CYP7B1: variants seen among roughly 807,000 people sequenced by gnomAD.
CYP7B1 encodes cytochrome P450 family 7 subfamily B member 1.
Under a neutral mutation model 42.7 loss-of-function variants are expected in CYP7B1, and 29 were observed. The observed-to-expected ratio is 0.68, with a 90% confidence interval of 0.51 to 0.93. CYP7B1 has a LOEUF of 0.93. Among genes scored for constraint, CYP7B1 ranks in the 40% least tolerant of loss-of-function variants. The pLI is 0.00. For synonymous variants in CYP7B1, 235 were observed against 218.2 expected, an observed-to-expected ratio of 1.08 and a Z score of -0.68; for missense variants, 655 against 600.5, an observed-to-expected ratio of 1.09 and a Z score of -0.95.
At chr8:64,749,523 A>C (rs1268230989) in intron 1 of CYP7B1, among the ~76,000 whole-genome samples, 1 of 152,212 alleles carries the variant, frequency 6.6e-6, no homozygotes, top group African/African-American at 2.4e-5. Flanking sequence ...AGAAAGAAAT[A>C]GTGGATTTTA....
chr8:64,784,778 T>C (rs1363043136), intron 1 of CYP7B1, among the ~76,000 whole-genome samples: 3 of 151,946 alleles, frequency 2.0e-5, no homozygotes, highest in Non-Finnish European at 4.4e-5. Context: ...AACAAGAAGA[T>C]CAACAGAAAG....
At chr8:64,770,909 C>G (rs1804211525) in intron 1 of CYP7B1, among the ~76,000 whole-genome samples, 1 of 152,068 alleles carries the variant, frequency 6.6e-6, no homozygotes, top group African/African-American at 2.4e-5. Context: ...TTTGCAGCAT[C>G]TAAAAATTTG....
chr8:64,624,328 A>G, intron 2 of CYP7B1, 75 bp downstream of exon 2: 1 of 1,410,152 alleles, frequency 7.1e-7, no homozygotes, highest in Non-Finnish European at 9.9e-7. Flanking sequence ...TTTTGCCTAG[A>G]GAAAAACAGA....
intron 1 of CYP7B1, among the ~76,000 whole-genome samples, chr8:64,780,868 A>T (rs1804409699): frequency 6.6e-6 from 1 of 152,140 alleles, no homozygotes; most frequent in African/African-American, 2.4e-5. Flanking sequence ...TTTCTCCTCC[A>T]GGCTGCAGGC....
intron 1 of CYP7B1, among the ~76,000 whole-genome samples, chr8:64,774,643 T>C (rs1804291449): frequency 6.6e-6 from 1 of 152,170 alleles, no homozygotes; most frequent in African/African-American, 2.4e-5. Context: ...GGTCCCATAT[T>C]TATACTAGTC....
chr8:64,730,652 C>A (rs1807394655), intron 1 of CYP7B1, among the ~76,000 whole-genome samples: 1 of 151,440 alleles, frequency 6.6e-6, no homozygotes, highest in East Asian at 1.9e-4. Context: ...AATGTGGTAA[C>A]TAAAATTTGA....
In CYP7B1 at chr8:64,615,174, C is replaced by G. The variant is rs1805418179; in HGVS notation, c.909G>C (p.Trp303Cys). Reference protein sequence around the residue: ...SVANTIPTMFWAMYYLLRHPE... With the variant: ...SVANTIPTMFCAMYYLLRHPE... ...GGTGCCGCAGAAGATAATACATTGC[C>G]CAGAACATAGTTGGAATAGTGTTTG... The change falls in exon 4 of 6, where the codon TGG (tryptophan) becomes TGC (cysteine). Residue 303 changes from tryptophan (W) to cysteine (C), a missense_variant. Physicochemically the swap from Trp to Cys is radical, Grantham distance 215. Transcript: ENST00000310193. 1 of 1,613,488 alleles carries G rather than the reference C, an allele frequency of 6.2e-7. No homozygotes were observed. Among genetic ancestry groups the G allele is most frequent in the South Asian group, 1.1e-5 (1 of 91,050 alleles).
chr8:64,741,034 G>C (rs183943251), intron 1 of CYP7B1, among the ~76,000 whole-genome samples: 1 of 151,974 alleles, frequency 6.6e-6, no homozygotes, highest in Non-Finnish European at 1.5e-5. Flanking sequence ...CATTACAAGA[G>C]AGAGTGACAG....
intron 1 of CYP7B1, among the ~76,000 whole-genome samples, chr8:64,659,625 CTGTATACT>C (rs1806171809): frequency 6.6e-6 from 1 of 152,182 alleles, no homozygotes; most frequent in Non-Finnish European, 1.5e-5. Context: ...ACAAAGATCA[CTGTATACT>C]TGTAATTTTT....
chr8:64,764,767 C>T (rs1807945437), intron 1 of CYP7B1, among the ~76,000 whole-genome samples: 1 of 152,116 alleles, frequency 6.6e-6, no homozygotes, highest in Admixed American at 6.5e-5. Flanking sequence ...TTCAGACTAT[C>T]CTAAGTCAAA....
intron 1 of CYP7B1, among the ~76,000 whole-genome samples, chr8:64,760,837 T>A (rs929404575): frequency 6.6e-6 from 1 of 152,086 alleles, no homozygotes; most frequent in African/African-American, 2.4e-5. Flanking sequence ...GATCCAGCCA[T>A]CCCAATACTG....
intron 1 of CYP7B1, among the ~76,000 whole-genome samples, chr8:64,698,833 G>A (rs1414367076): frequency 6.6e-6 from 1 of 152,130 alleles, no homozygotes; most frequent in East Asian, 1.9e-4. Flanking sequence ...ATAATGGTGT[G>A]TTATAGTTTT....
intron 1 of CYP7B1, among the ~76,000 whole-genome samples, chr8:64,780,123 T>C (rs1023684737): frequency 1.3e-5 from 2 of 152,146 alleles, no homozygotes; most frequent in East Asian, 3.8e-4. Flanking sequence ...TAATGAAATC[T>C]TCAGTTTTTA....
chr8:64,675,929 G>A (rs375049676), intron 1 of CYP7B1, among the ~76,000 whole-genome samples: 4 of 152,088 alleles, frequency 2.6e-5, no homozygotes, highest in East Asian at 3.9e-4. Flanking sequence ...CCCCCAGGGG[G>A]GTCTCTGAGG....
chr8:64,751,568 T>C (rs1405376344), intron 1 of CYP7B1, among the ~76,000 whole-genome samples: 4 of 152,324 alleles, frequency 2.6e-5, no homozygotes, highest in Middle Eastern at 3.4e-3. Flanking sequence ...TTAATCATCT[T>C]CAAGCACCTC....
intron 1 of CYP7B1, among the ~76,000 whole-genome samples, chr8:64,673,972 T>A (rs1806405772): frequency 1.3e-5 from 2 of 152,204 alleles, no homozygotes; most frequent in South Asian, 4.1e-4. Flanking sequence ...GCATAAAATA[T>A]CTGGTCTTGA....
At chr8:64,743,026 T>C (rs1478207887) in intron 1 of CYP7B1, among the ~76,000 whole-genome samples, 1 of 152,178 alleles carries the variant, frequency 6.6e-6, no homozygotes, top group East Asian at 1.9e-4. Context: ...CCAACGCCAA[T>C]CTTTCTTCCA....
intron 1 of CYP7B1, among the ~76,000 whole-genome samples, chr8:64,637,635 A>G (rs753707689): frequency 4.3e-4 from 65 of 152,214 alleles, no homozygotes; most frequent in Admixed American, 3.9e-3. Context: ...GTCAAATTCT[A>G]TTATAGATAA....
chr8:64,748,087 G>A (rs1371693731), intron 1 of CYP7B1, among the ~76,000 whole-genome samples: 1 of 152,190 alleles, frequency 6.6e-6, no homozygotes, highest in Non-Finnish European at 1.5e-5. Context: ...GCCATGGCCA[G>A]TGTTGAAGCA....
Sources: allele counts gnomAD v4.1 joint callset (sites outside exome capture counted in the v4.1 genomes callset), GRCh38; gene constraint gnomAD v4.1.1; transcripts MANE v1.5; gene names NCBI Gene and HGNC (gene_info 2026-07-23, HGNC 2026-07-21).